The following MKLN1 variants were observed in gnomAD, a reference collection of about 807,000 sequenced individuals.
The protein encoded by MKLN1 is muskelin 1.
In MKLN1, 18 loss-of-function variants were observed where a neutral mutation model predicts 99.0. That is an observed-to-expected ratio of 0.18 (90% CI 0.13 to 0.27). The LOEUF (loss-of-function observed/expected upper bound fraction) is 0.27. Ranked by LOEUF, MKLN1 falls within the 10% of genes least tolerant of loss-of-function variation. MKLN1 has a pLI of 1.00. For synonymous variants in MKLN1, 288 were observed against 293.2 expected, an observed-to-expected ratio of 0.98 and a Z score of 0.18; for missense variants, 621 against 875.9, an observed-to-expected ratio of 0.71 and a Z score of 3.67.
chr7:131,199,972 A>G (rs1796703743), intron 2 of MKLN1, among the ~76,000 whole-genome samples: 1 of 152,196 alleles, frequency 6.6e-6, no homozygotes, highest in South Asian at 2.1e-4. Flanking sequence ...TGCTGGAATT[A>G]TAGGTGTGAG....
intron 10 of MKLN1, 65 bp from the exon 11 acceptor site, chr7:131,443,416 T>C: frequency 8.1e-7 from 1 of 1,233,476 alleles, no homozygotes; most frequent in Non-Finnish European, 1.2e-6. Context: ...TACATGTTGG[T>C]TTTGTTTTAG....
chr7:131,370,370 GT>G (rs76887131), intron 1 of MKLN1, among the ~76,000 whole-genome samples: 2,806 of 88,926 alleles, frequency 0.032, 62 homozygotes, highest in African/African-American at 0.098. Context: ...GATTTAAAGT[GT>G]TTTTTTTTTT....
At position 131,161,752 on chromosome 7, in the gene MKLN1, C is replaced by T. The variant is rs924676300; in HGVS notation, c.-297+18811C>T. ...ATTTTTAGTAGGGACGGGGTTTCAC[C>T]GTGGTCTCGATCTCCTGACCTCGTG... On this transcript the variant is annotated intron_variant, in intron 2 of 7. Transcript: ENST00000416992. Among the ~76,000 whole-genome samples, 6 of 151,602 alleles carry T rather than the reference C, an allele frequency of 4.0e-5. No individual in the cohort carries two copies. In the South Asian group the frequency reaches 8.3e-4, roughly 21 times the overall value.
chr7:131,287,951 C>T (rs1212349763), intron 3 of MKLN1, among the ~76,000 whole-genome samples: 1 of 152,162 alleles, frequency 6.6e-6, no homozygotes, highest in Non-Finnish European at 1.5e-5. Flanking sequence ...CCTTTGCCTT[C>T]TGCCATGATT....
intron 8 of MKLN1, among the ~76,000 whole-genome samples, chr7:131,426,468 G>A (rs1412600836): frequency 1.3e-5 from 2 of 151,846 alleles, no homozygotes; most frequent in Non-Finnish European, 2.9e-5. Context: ...GTAAAATTAT[G>A]TGTCTGAGTA....
intron 1 of MKLN1, among the ~76,000 whole-genome samples, chr7:131,129,839 G>A (rs1795521809): frequency 6.6e-6 from 1 of 152,144 alleles, no homozygotes; most frequent in African/African-American, 2.4e-5. Context: ...GCCTCCCAAA[G>A]TGCTGAGATT....
At chr7:131,343,401 C>A (rs979532216) in intron 1 of MKLN1, among the ~76,000 whole-genome samples, 1 of 152,102 alleles carries the variant, frequency 6.6e-6, no homozygotes, top group Non-Finnish European at 1.5e-5. Context: ...TTTCTTTCCA[C>A]ATTCACCCTT....
intron 2 of MKLN1, among the ~76,000 whole-genome samples, chr7:131,155,962 T>C (rs1795957071): frequency 6.6e-6 from 1 of 152,198 alleles, no homozygotes. Flanking sequence ...ACTTTTTTGA[T>C]AAAAATTCTA....
intron 5 of MKLN1, 63 bp from the exon 6 acceptor site, chr7:131,399,177 AT>A (rs1435682544): frequency 4.6e-5 from 64 of 1,379,984 alleles, no homozygotes; most frequent in Non-Finnish European, 6.1e-5. Flanking sequence ...TACTGTTGTT[AT>A]TGTTTCCTAC....
intron 3 of MKLN1, among the ~76,000 whole-genome samples, chr7:131,304,308 T>C (rs1180077037): frequency 1.3e-5 from 2 of 152,200 alleles, no homozygotes; most frequent in African/African-American, 2.4e-5. Flanking sequence ...GAATTCAAGG[T>C]TGCAGTGAGT....
intron 17 of MKLN1, among the ~76,000 whole-genome samples, chr7:131,483,605 T>C (rs1797186158): frequency 6.6e-6 from 1 of 152,192 alleles, no homozygotes; most frequent in African/African-American, 2.4e-5. Flanking sequence ...AATGTGCATA[T>C]TTTTCCCCAT....
chr7:131,226,161 C>T (rs755046796), intron 3 of MKLN1, among the ~76,000 whole-genome samples: 2 of 152,152 alleles, frequency 1.3e-5, no homozygotes, highest in Non-Finnish European at 2.9e-5. Flanking sequence ...TCTCTCTTTC[C>T]TCCTTCAATG....
chr7:131,234,690 TC>T lies in MKLN1; in HGVS notation c.-179+31718del, dbSNP rs1396793481. ...CAATGAATGGCAAGCCATTCTCAAT[TC>T]CAGCTCTTCTGTACTGAAGAATTTA... is the stretch of plus-strand genomic sequence containing the variant. On this transcript the variant is annotated intron_variant, in intron 3 of 7. Coordinates refer to the MKLN1 transcript ENST00000416992. Among the ~76,000 whole-genome samples, 3 of 152,202 alleles carry T rather than the reference TC, an allele frequency of 2.0e-5. No homozygotes were observed. In the East Asian group the frequency reaches 5.8e-4, roughly 29 times the overall value.
At chr7:131,463,020 G>C (rs1168564510) in intron 12 of MKLN1, among the ~76,000 whole-genome samples, 197 bp from the exon 13 acceptor site, 1 of 152,154 alleles carries the variant, frequency 6.6e-6, no homozygotes, top group East Asian at 1.9e-4. Context: ...TACTTGGGAG[G>C]CTGGGGCAGG....
intron 2 of MKLN1, among the ~76,000 whole-genome samples, chr7:131,185,502 G>T (rs993824176): frequency 6.6e-6 from 1 of 151,452 alleles, no homozygotes; most frequent in Non-Finnish European, 1.5e-5. Context: ...CTGGAGAATC[G>T]CTTGAACCTG....
intron 3 of MKLN1, among the ~76,000 whole-genome samples, chr7:131,233,647 T>A (rs1797275387): frequency 6.6e-6 from 1 of 151,774 alleles, no homozygotes. Flanking sequence ...ATATGAGGTA[T>A]AAAATGGTTT....
rs1796806318 is a variant in MKLN1 at position 131,471,028 on chromosome 7, T to G, written c.2031+84T>G. 4 of 923,250 alleles carry G rather than the reference T, an allele frequency of 4.3e-6. No homozygotes were observed. In the Admixed American group the frequency reaches 1.0e-4, roughly 24 times the overall value. 57.2% of individuals were successfully genotyped at this position (923,250 alleles called of 1,614,324 possible). A position where few individuals can be genotyped will look rare whatever the true frequency, so the allele number is the denominator to read the frequency against. ...TATATTTAATGATTTTGCTCTTGAG[T>G]GTGTAAAGGAAAACGAAGAAAATAT... On this transcript the variant is annotated intron_variant, in intron 16 of 17. Transcript: ENST00000352689.
At chr7:131,173,002 G>A (rs1228499016) in intron 2 of MKLN1, among the ~76,000 whole-genome samples, 9 of 152,180 alleles carry the variant, frequency 5.9e-5, no homozygotes, top group Non-Finnish European at 5.9e-5. Context: ...TGAAAATCAG[G>A]TGGATTCTGT....
chr7:131,145,279 T>A (rs1344362643), intron 2 of MKLN1, among the ~76,000 whole-genome samples: 2 of 152,092 alleles, frequency 1.3e-5, no homozygotes, highest in African/African-American at 4.8e-5. Flanking sequence ...TACTCAAAGA[T>A]CCTCGAATTG....
Sources: allele counts gnomAD v4.1 joint callset (sites outside exome capture counted in the v4.1 genomes callset), GRCh38; gene constraint gnomAD v4.1.1; transcripts MANE v1.5; gene names NCBI Gene and HGNC (gene_info 2026-07-23, HGNC 2026-07-21).